RIC1: variants seen among roughly 807,000 people sequenced by gnomAD.
RIC1 encodes the protein RIC1 partner of RAB6A GEF complex.
Under a neutral mutation model 169.0 loss-of-function variants are expected in RIC1, and 88 were observed. The ratio of observed to expected loss-of-function variants is 0.52; its 90% CI spans 0.44 to 0.62. RIC1 has a LOEUF of 0.62. RIC1 is among the 20% of genes least tolerant of loss of function. RIC1 has a pLI of 0.00. For synonymous variants in RIC1, 790 were observed against 601.5 expected (o/e 1.31, Z -4.59); for missense variants, 1,877 against 1,725.5 (o/e 1.09, Z -1.56).
At chr9:5,758,698 C>A (rs917428888) in intron 17 of RIC1, among the ~76,000 whole-genome samples, 6 of 150,596 alleles carry the variant, frequency 4.0e-5, no homozygotes, top group Non-Finnish European at 7.4e-5. Context: ...TATTCTAGAC[C>A]CCTTAAGCAT....
At position 5,762,618 on chromosome 9, in the gene RIC1, G is replaced by A. The variant is rs375916298; in HGVS notation, c.2070G>A (p.Gln690=). ...TGCAGAGGGACAGGTCAGGCCCACA[G>A]ATCCGGGAGAAGGACAGTAACCCTA... ...IMMQRDRSGP[Q]IREKDSNPNN... Residue 690 remains glutamine (Q), a synonymous_variant, in exon 18 of 26, where the codon CAG becomes CAA. Transcript: ENST00000414202. 3.0e-4 allele frequency: 488 copies of A among 1,613,920 alleles called. No homozygotes were observed. Among genetic ancestry groups the A allele is most frequent in the Non-Finnish European group, 3.9e-4 (459 of 1,179,956 alleles).
At chr9:5,720,796 T>C (rs1290865928) in intron 6 of RIC1, 46 bp downstream of exon 6, 7 of 1,440,778 alleles carry the variant, frequency 4.9e-6, no homozygotes, top group African/African-American at 2.9e-5. Flanking sequence ...TGTGTACTTA[T>C]TTTATTCTTT....
At chr9:5,715,444 T>C (rs568573364) in intron 4 of RIC1, among the ~76,000 whole-genome samples, 3 of 152,360 alleles carry the variant, frequency 2.0e-5, no homozygotes, top group Admixed American at 2.0e-4. Flanking sequence ...CTGTAAGGTT[T>C]CTCTCAAAAC....
chr9:5,743,987 A>G (rs369193631), intron 10 of RIC1, among the ~76,000 whole-genome samples: 47 of 152,206 alleles, frequency 3.1e-4, no homozygotes, highest in African/African-American at 1.1e-3. Context: ...TTTTTAGTAG[A>G]GACGTGGTCT....
chr9:5,702,738 G>A (rs1200805167), intron 3 of RIC1, among the ~76,000 whole-genome samples: 2 of 152,048 alleles, frequency 1.3e-5, no homozygotes, highest in Non-Finnish European at 2.9e-5. Flanking sequence ...GTGGAGACAG[G>A]CTTTCACCCT....
In RIC1 at chr9:5,713,984, T is replaced by G; in HGVS notation, c.421T>G (p.Leu141Val). The change falls in exon 4 of 26, where the codon TTA becomes GTA. Residue 141 changes from leucine (L) to valine (V), a missense_variant. This residue lies in a region of RIC1 where 1,104 missense variants were observed against 992.0 expected (regional missense o/e 1.11). Transcript: ENST00000414202. ...TTTGGAGATGAGGAAAATACTGGAT[T>G]TACAAGCACCCATCATGAGGTACAG... Reference protein sequence around the residue: ...LNLEMRKILDLQAPIMSLQSV... With the variant: ...LNLEMRKILDVQAPIMSLQSV... 6.2e-7 allele frequency: 1 copy of G among 1,611,358 alleles called. No homozygotes were observed. The highest frequency in any genetic ancestry group is 8.5e-7 in the Non-Finnish European group (1 of 1,178,246).
At chr9:5,691,442 G>A (rs902851733) in intron 3 of RIC1, among the ~76,000 whole-genome samples, 1 of 151,760 alleles carries the variant, frequency 6.6e-6, no homozygotes, top group African/African-American at 2.4e-5. Flanking sequence ...TGAGGTATTC[G>A]GTTTTGGAAA....
At chr9:5,665,415 C>G (rs1286815927) in intron 2 of RIC1, among the ~76,000 whole-genome samples, 1 of 152,180 alleles carries the variant, frequency 6.6e-6, no homozygotes, top group Non-Finnish European at 1.5e-5. Flanking sequence ...TTCGTTGTTA[C>G]CCACCTTCCA....
chr9:5,738,415 T>G (rs1054781466), intron 7 of RIC1, 35 bp from the exon 8 acceptor site: 35 of 1,435,586 alleles, frequency 2.4e-5, no homozygotes, highest in Admixed American at 3.7e-5. Flanking sequence ...TATTTGTCTT[T>G]TTTCACTAAA....
At chr9:5,724,852 A>G (rs1285775931) in intron 6 of RIC1, among the ~76,000 whole-genome samples, 1 of 152,134 alleles carries the variant, frequency 6.6e-6, no homozygotes, top group Non-Finnish European at 1.5e-5. Context: ...TATATGCTGT[A>G]TTACCGTTAT....
chr9:5,653,849 G>A (rs552754653), intron 1 of RIC1, among the ~76,000 whole-genome samples: 4 of 152,090 alleles, frequency 2.6e-5, no homozygotes, highest in African/African-American at 4.8e-5. Flanking sequence ...GCCTGCCTCA[G>A]CCTCCCAAAG....
chr9:5,687,914 G>A (rs1023079872), intron 2 of RIC1, among the ~76,000 whole-genome samples: 1 of 151,418 alleles, frequency 6.6e-6, no homozygotes, highest in Non-Finnish European at 1.5e-5. Flanking sequence ...TTTATTTTGG[G>A]TTTTTTTGTG....
intron 2 of RIC1, among the ~76,000 whole-genome samples, chr9:5,676,670 A>C (rs1273562629): frequency 6.6e-6 from 1 of 152,154 alleles, no homozygotes; most frequent in African/African-American, 2.4e-5. Context: ...GCACTTTTTT[A>C]ATGGGGTTTA....
intron 1 of RIC1, among the ~76,000 whole-genome samples, chr9:5,634,447 G>T (rs1242682913): frequency 6.6e-6 from 1 of 152,122 alleles, no homozygotes; most frequent in Non-Finnish European, 1.5e-5. Flanking sequence ...GTATCTTATG[G>T]TTTTGATTTG....
intron 2 of RIC1, among the ~76,000 whole-genome samples, chr9:5,673,006 G>C (rs747190927): frequency 6.6e-6 from 1 of 152,032 alleles, no homozygotes; most frequent in South Asian, 2.1e-4. Flanking sequence ...AATTTATTTC[G>C]TTTAATAAGG....
intron 1 of RIC1, among the ~76,000 whole-genome samples, chr9:5,638,194 T>A (rs1818068390): frequency 6.6e-6 from 1 of 152,228 alleles, no homozygotes; most frequent in African/African-American, 2.4e-5. Context: ...CTGGAATAAA[T>A]ACCACTTGTT....
intron 2 of RIC1, among the ~76,000 whole-genome samples, chr9:5,667,669 G>A (rs1209008446): frequency 1.3e-5 from 2 of 151,924 alleles, no homozygotes; most frequent in Non-Finnish European, 2.9e-5. Flanking sequence ...ACGCCTGGCT[G>A]ATTTTGTTTA....
At chr9:5,726,043 G>A (rs1213625057) in intron 6 of RIC1, among the ~76,000 whole-genome samples, 1 of 152,190 alleles carries the variant, frequency 6.6e-6, no homozygotes, top group Non-Finnish European at 1.5e-5. Context: ...ATTTGGGGTG[G>A]AGAGTTCTGT....
chr9:5,768,988 C>A lies in RIC1; in HGVS notation c.3156C>A (p.Asp1052Glu). The change falls in exon 22 of 26, where the codon GAC becomes GAA. Residue 1052 changes from aspartate to glutamate, a missense_variant. This residue lies in a region of RIC1 where 681 missense variants were observed against 582.0 expected (regional missense o/e 1.17). Coordinates refer to ENST00000414202, the MANE Select transcript of RIC1 (RefSeq NM_020829.4). The part of the protein sequence containing the change: ...PSGKRWSKDS[D>E]CAENMYIDMM... ...CTTACAGATGGAGCAAAGACAGTGACTGTGCTGAGAACATGTATATTGACA... is the reference window on the plus strand; with the variant it reads ...CTTACAGATGGAGCAAAGACAGTGAATGTGCTGAGAACATGTATATTGACA... The A allele has an allele frequency of 6.2e-7, 1 of 1,610,372 alleles. No individual in the cohort carries two copies.
Sources: allele counts gnomAD v4.1 joint callset (sites outside exome capture counted in the v4.1 genomes callset), GRCh38; gene constraint gnomAD v4.1.1; regional missense constraint gnomAD v4.1.1; transcripts MANE v1.5; gene names NCBI Gene and HGNC (gene_info 2026-07-23, HGNC 2026-07-21).